Variants in TLN2 observed in about 807,000 individuals in gnomAD.
TLN2 encodes the protein talin 2.
TLN2 carries 118 observed loss-of-function variants against 294.7 expected under a neutral mutation model. That is an observed-to-expected ratio of 0.40 (90% confidence interval 0.34 to 0.47). The LOEUF (loss-of-function observed/expected upper bound fraction) is 0.47. Ranked by LOEUF, TLN2 falls within the 20% of genes least tolerant of loss-of-function variation. The pLI, the probability that TLN2 is intolerant of heterozygous loss-of-function variation, is 0.84. For missense variants in TLN2, 3,083 were observed against 3,282.2 expected (o/e 0.94, Z 1.48); for synonymous variants, 1,431 against 1,304.5 (o/e 1.10, Z -2.09).
chr15:62,672,882 G>A (rs1245337670), intron 9 of TLN2, among the ~76,000 whole-genome samples: 1 of 152,040 alleles, frequency 6.6e-6, no homozygotes, highest in Non-Finnish European at 1.5e-5. Context: ...AATGAATCAG[G>A]TACTCAGGCC....
At chr15:62,518,268 A>G (rs908306301) in intron 1 of TLN2, among the ~76,000 whole-genome samples, 1 of 152,062 alleles carries the variant, frequency 6.6e-6, no homozygotes, top group African/African-American at 2.4e-5. Flanking sequence ...TGAACTCCTG[A>G]CCTTGTGATC....
chr15:62,442,492 CAGAAAAAAAAAAA>C (rs1167416240), intron 1 of TLN2, among the ~76,000 whole-genome samples: 3 of 65,562 alleles, frequency 4.6e-5, no homozygotes, highest in Non-Finnish European at 5.7e-5. Flanking sequence ...GACTCTGTCT[CAGAAAAAAAAAAA>C]AAAAAAAAAA....
intron 26 of TLN2, 48 bp from the exon 27 acceptor site, chr15:62,724,928 A>C (rs765952010): frequency 6.4e-6 from 10 of 1,568,550 alleles, no homozygotes; most frequent in Non-Finnish European, 8.7e-6. Context: ...TGTTGGGGAC[A>C]CTTTTCCCAA....
At chr15:62,454,114 G>A (rs1227179071) in intron 1 of TLN2, among the ~76,000 whole-genome samples, 1 of 152,156 alleles carries the variant, frequency 6.6e-6, no homozygotes, top group Non-Finnish European at 1.5e-5. Context: ...GCTTTATTTT[G>A]GGGTTTTGAA....
chr15:62,562,606 C>G (rs2043053413), intron 1 of TLN2, among the ~76,000 whole-genome samples: 1 of 151,660 alleles, frequency 6.6e-6, no homozygotes, highest in Admixed American at 6.6e-5. Context: ...TGAATAAGTT[C>G]TTTAGTGGTG....
chr15:62,681,815 C>T (rs1373136768), intron 11 of TLN2, among the ~76,000 whole-genome samples: 2 of 152,246 alleles, frequency 1.3e-5, no homozygotes, highest in African/African-American at 2.4e-5. Context: ...TTTCGAGACA[C>T]GATCTCACTC....
intron 1 of TLN2, among the ~76,000 whole-genome samples, chr15:62,414,886 A>G (rs2033988951): frequency 7.1e-6 from 1 of 140,706 alleles, no homozygotes; most frequent in Non-Finnish European, 1.5e-5. Flanking sequence ...CCTGTCAAGC[A>G]TGCCTTTTAA....
At position 62,840,680 on chromosome 15, in the gene TLN2, G is replaced by C; in HGVS notation, c.*70G>C. 6.5e-7 allele frequency: 1 copy of C among 1,550,046 alleles called. No homozygotes were observed. The highest frequency in any genetic ancestry group is 8.7e-7 in the Non-Finnish European group (1 of 1,149,814). On this transcript the variant is annotated 3_prime_UTR_variant, in exon 59 of 59. Coordinates refer to ENST00000636159, the MANE Select transcript of TLN2 (RefSeq NM_015059.3). ...AACTGGACAGACAGTGTTCCTGAGA[G>C]GCTGGGCACTTAGCTGGAAACCGCC...
At chr15:62,720,729 C>T (rs1301471597) in intron 25 of TLN2, among the ~76,000 whole-genome samples, 1 of 148,174 alleles carries the variant, frequency 6.7e-6, no homozygotes, top group African/African-American at 2.5e-5. Flanking sequence ...TTGTGTTTTT[C>T]ATCTAACATA....
intron 9 of TLN2, among the ~76,000 whole-genome samples, chr15:62,662,821 A>AGTT (rs1290226135): frequency 2.8e-4 from 11 of 39,604 alleles, no homozygotes; most frequent in South Asian, 1.5e-3. Context: ...GGATTGAGAG[A>AGTT]GTTTTTTTTT....
At chr15:62,688,263 T>G (rs560653100) in intron 12 of TLN2, among the ~76,000 whole-genome samples, 1 of 152,332 alleles carries the variant, frequency 6.6e-6, no homozygotes. Context: ...AGTGATTTTT[T>G]CCTTCCTACT....
chr15:62,467,182 G>C (rs1232781124), intron 1 of TLN2, among the ~76,000 whole-genome samples: 1 of 152,206 alleles, frequency 6.6e-6, no homozygotes, highest in Non-Finnish European at 1.5e-5. Context: ...CGGAGTCCTG[G>C]GTTCTGTGCC....
intron 1 of TLN2, among the ~76,000 whole-genome samples, chr15:62,463,541 A>G (rs2036934705): frequency 6.6e-6 from 1 of 152,218 alleles, no homozygotes; most frequent in South Asian, 2.1e-4. Context: ...AATGTAAATG[A>G]AAACCACAAT....
intron 12 of TLN2, among the ~76,000 whole-genome samples, chr15:62,691,462 C>G (rs1028614783): frequency 6.6e-6 from 1 of 151,788 alleles, no homozygotes; most frequent in Non-Finnish European, 1.5e-5. Context: ...ACTTCTGTTT[C>G]TTTGTTTGAA....
chr15:62,799,510 G>T (rs2065776736), intron 48 of TLN2, among the ~76,000 whole-genome samples: 1 of 152,162 alleles, frequency 6.6e-6, no homozygotes, highest in Non-Finnish European at 1.5e-5. Context: ...CACAGATAAT[G>T]CATCACATCC....
At chr15:62,579,924 G>A (rs944499886) in intron 1 of TLN2, among the ~76,000 whole-genome samples, 11 of 152,202 alleles carry the variant, frequency 7.2e-5, no homozygotes, top group African/African-American at 2.7e-4. Context: ...TTCTAGCAGC[G>A]TGGAGCCTTG....
chr15:62,627,074 C>T (rs540505971), intron 3 of TLN2, among the ~76,000 whole-genome samples: 8 of 152,340 alleles, frequency 5.3e-5, no homozygotes, highest in African/African-American at 1.9e-4. Context: ...ATAAAAGAAT[C>T]AAGGAACATC....
chr15:62,513,860 G>T (rs2040052455), intron 1 of TLN2, among the ~76,000 whole-genome samples: 1 of 152,208 alleles, frequency 6.6e-6, no homozygotes, highest in Non-Finnish European at 1.5e-5. Context: ...ATTAAATGGT[G>T]TAAAAGCCTG....
chr15:62,683,440 TCTCATTGGTAGAATGCCTGCATTCTCCC>T (rs2057012682), intron 11 of TLN2, among the ~76,000 whole-genome samples: 1 of 150,524 alleles, frequency 6.6e-6, no homozygotes, highest in African/African-American at 2.4e-5. Context: ...TTCTCCCGCC[TCTCATTGGTAGAATGCCTGCATTCTCCC>T]GCCTCTCATT....
Sources: gnomAD v4.1 joint callset for allele counts (sites outside exome capture counted in the v4.1 genomes callset) on GRCh38, gnomAD v4.1.1 for gene constraint, MANE v1.5 for transcripts, NCBI Gene and HGNC (gene_info 2026-07-23, HGNC 2026-07-21) for gene names.